SORCS1: variants seen among roughly 807,000 people sequenced by gnomAD.
SORCS1 encodes sortilin related VPS10 domain containing receptor 1.
Under a neutral mutation model 146.1 loss-of-function variants are expected in SORCS1, and 60 were observed. The ratio of observed to expected loss-of-function variants is 0.41; its 90% CI spans 0.33 to 0.51. SORCS1 has a LOEUF of 0.51. Among genes scored for constraint, SORCS1 ranks in the 20% least tolerant of loss-of-function variants. SORCS1 has a pLI of 0.21. For missense variants in SORCS1, 1,352 were observed against 1,487.6 expected, an observed-to-expected ratio of 0.91 and a Z score of 1.50; for synonymous variants, 637 against 584.0, an observed-to-expected ratio of 1.09 and a Z score of -1.31.
At chr10:106,831,175 G>A (rs1477021750) in intron 2 of SORCS1, among the ~76,000 whole-genome samples, 2 of 151,956 alleles carry the variant, frequency 1.3e-5, no homozygotes, top group East Asian at 1.9e-4. Context: ...CCTGGGCGGA[G>A]TCTTGTCCAG....
intron 4 of SORCS1, among the ~76,000 whole-genome samples, chr10:106,771,661 CA>C (rs1360554867): frequency 1.3e-5 from 2 of 152,146 alleles, no homozygotes; most frequent in Admixed American, 1.3e-4. Context: ...ATACTTTCCA[CA>C]AGGATTCATT....
At position 107,101,234 on chromosome 10, in the gene SORCS1, G is replaced by A. The variant is rs146744306; in HGVS notation, c.558+62735C>T. 2.2e-4 allele frequency among the ~76,000 whole-genome samples: 33 copies of A among 152,170 alleles called. No homozygotes were observed. In the East Asian group the frequency reaches 6.0e-3, roughly 28 times the overall value. On this transcript the variant is annotated intron_variant, in intron 1 of 25. Coordinates refer to ENST00000263054, the MANE Select transcript of SORCS1 (RefSeq NM_052918.5). The stretch of plus-strand genomic sequence containing the variant: ...AATAGTTTATATTTTTATTAGAGAC[G>A]GGGTTTCACCATGTTGACCAGGCTG...
rs749136941 is a variant in SORCS1, at chr10:106,671,213, C to T, written c.2189+24G>A. ...GTGGATTTGATACACCAAATGGCTC[C>T]AGGAGATAATTGCACAAGCTCACCA... On this transcript the variant is annotated intron_variant, in intron 16 of 25. Transcript: ENST00000263054. The T allele has an allele frequency of 1.5e-5, 24 of 1,613,670 alleles. No individual in the cohort carries two copies. In the East Asian group the frequency reaches 3.8e-4, roughly 25 times the overall value.
intron 2 of SORCS1, among the ~76,000 whole-genome samples, chr10:106,945,756 C>T (rs970544338): frequency 1.3e-5 from 2 of 152,072 alleles, no homozygotes; most frequent in Non-Finnish European, 2.9e-5. Context: ...CTATTACTTG[C>T]TAAAAGGAAA....
At chr10:106,669,751 G>C (rs1851445294) in intron 16 of SORCS1, among the ~76,000 whole-genome samples, 1 of 152,178 alleles carries the variant, frequency 6.6e-6, no homozygotes, top group South Asian at 2.1e-4. Context: ...TTGCCCTCTG[G>C]CTGAGCCCAA....
chr10:107,086,022 G>A (rs1159182530), intron 1 of SORCS1, among the ~76,000 whole-genome samples: 1 of 152,208 alleles, frequency 6.6e-6, no homozygotes, highest in Non-Finnish European at 1.5e-5. Flanking sequence ...GAGGTTTAAA[G>A]CACTTCACAG....
chr10:106,761,704 C>T (rs765411264), intron 4 of SORCS1, 43 bp from the exon 5 acceptor site: 3 of 1,501,262 alleles, frequency 2.0e-6, no homozygotes, highest in East Asian at 4.5e-5. Flanking sequence ...TTCTATAGTA[C>T]ATCAAATACA....
the SORCS1 span, among the ~76,000 whole-genome samples, chr10:107,177,497 AAAT>A: frequency 1.3e-5 from 2 of 152,232 alleles, no homozygotes; most frequent in Non-Finnish European, 2.9e-5. Context: ...TTTAATTGAC[AAAT>A]AATAATTGCA....
At chr10:106,616,590 C>A (rs1324500928) in intron 21 of SORCS1, among the ~76,000 whole-genome samples, 1 of 152,158 alleles carries the variant, frequency 6.6e-6, no homozygotes, top group Non-Finnish European at 1.5e-5. Flanking sequence ...CACTGTTTGG[C>A]CACCTCGTAC....
intron 2 of SORCS1, among the ~76,000 whole-genome samples, chr10:106,865,047 C>G (rs1005249305): frequency 6.6e-6 from 1 of 152,090 alleles, no homozygotes; most frequent in Non-Finnish European, 1.5e-5. Context: ...GGTGACTTAG[C>G]TGTCCTGCCC....
intron 2 of SORCS1, among the ~76,000 whole-genome samples, chr10:106,830,844 C>T (rs367547686): frequency 1.4e-3 from 216 of 151,520 alleles, no homozygotes; most frequent in African/African-American, 4.9e-3. Flanking sequence ...TGTAGTGAGC[C>T]GAGATCACAC....
chr10:106,872,440 C>T (rs1160772561), intron 2 of SORCS1, among the ~76,000 whole-genome samples: 1 of 152,168 alleles, frequency 6.6e-6, no homozygotes, highest in Non-Finnish European at 1.5e-5. Flanking sequence ...GTGCCTAAAC[C>T]ACAATAAGCC....
At chr10:107,004,445 AG>A (rs1353703346) in intron 1 of SORCS1, among the ~76,000 whole-genome samples, 1 of 152,136 alleles carries the variant, frequency 6.6e-6, no homozygotes, top group African/African-American at 2.4e-5. Flanking sequence ...GAAGAGCAAA[AG>A]GATGTCTTCC....
intron 3 of SORCS1, among the ~76,000 whole-genome samples, chr10:106,808,022 A>G (rs1589441360): frequency 1.3e-5 from 2 of 152,046 alleles, no homozygotes; most frequent in African/African-American, 2.4e-5. Context: ...CTCTATTTTT[A>G]TTTATTTTTA....
At chr10:106,945,917 C>T (rs1475252822) in intron 2 of SORCS1, among the ~76,000 whole-genome samples, 1 of 152,172 alleles carries the variant, frequency 6.6e-6, no homozygotes, top group African/African-American at 2.4e-5. Flanking sequence ...ATAGAACGAG[C>T]TTTCACATGG....
chr10:106,945,878 A>G lies in SORCS1; in HGVS notation c.626+10635T>C, dbSNP rs534232752. On this transcript the variant is annotated intron_variant, in intron 2 of 25. Coordinates refer to ENST00000263054, the MANE Select transcript of SORCS1 (RefSeq NM_052918.5). The stretch of plus-strand genomic sequence containing the variant: ...CACACATCTCAGGAAGGTCTATAGC[A>G]TCTTTTGGATGAATACATGCAGATC... Among the ~76,000 whole-genome samples the G allele has an allele frequency of 2.0e-4, 30 of 152,342 alleles. No individual in the cohort carries two copies. In the South Asian group the frequency reaches 5.2e-3, roughly 26 times the overall value.
At position 106,885,296 on chromosome 10, in the gene SORCS1, A is replaced by G. The variant is rs575237284; in HGVS notation, c.627-55623T>C. On this transcript the variant is annotated intron_variant, in intron 2 of 25. Transcript: ENST00000263054. ...TTTAAGGAGAAAATTGGGGGGGGGG[A>G]ACTTGAAGAAAGGGGAAAGAAAAAA... is the stretch of plus-strand genomic sequence containing the variant. 6.9e-3 allele frequency among the ~76,000 whole-genome samples: 990 copies of G among 143,566 alleles called. 5 individuals are homozygous for G. The highest frequency in any genetic ancestry group is 0.011 in the Non-Finnish European group (758 of 66,060). The allele number at this position is 143,566 out of a possible 152,430, so 94.2% of individuals were successfully genotyped here. A position where few individuals can be genotyped will look rare whatever the true frequency, so the allele number is the denominator to read the frequency against.
intron 2 of SORCS1, among the ~76,000 whole-genome samples, chr10:106,932,485 T>A (rs1953470219): frequency 6.6e-6 from 1 of 152,144 alleles, no homozygotes; most frequent in African/African-American, 2.4e-5. Flanking sequence ...TGCCTTAGAG[T>A]GATAGTGATC....
intron 2 of SORCS1, among the ~76,000 whole-genome samples, chr10:106,937,429 C>T (rs956209878): frequency 1.3e-5 from 2 of 151,570 alleles, no homozygotes; most frequent in South Asian, 2.1e-4. Context: ...CCACCCTTGT[C>T]GGCCTCCCAA....
Sources: gnomAD v4.1 joint callset for allele counts (sites outside exome capture counted in the v4.1 genomes callset) on GRCh38, gnomAD v4.1.1 for gene constraint, MANE v1.5 for transcripts, NCBI Gene and HGNC (gene_info 2026-07-23, HGNC 2026-07-21) for gene names.